AKAP12: variants seen among roughly 807,000 people sequenced by gnomAD.
The protein encoded by AKAP12 is A-kinase anchoring protein 12, also known as A-kinase anchor protein 12.
Under a neutral mutation model 79.9 loss-of-function variants are expected in AKAP12, and 32 were observed. The observed-to-expected ratio is 0.40, with a 90% CI of 0.30 to 0.54. The LOEUF (loss-of-function observed/expected upper bound fraction) is 0.54. Among genes scored for constraint, AKAP12 ranks in the 20% least tolerant of loss-of-function variants. The pLI, the probability that AKAP12 is intolerant of heterozygous loss-of-function variation, is 0.48. For missense variants in AKAP12, 2,074 were observed against 2,177.0 expected, an observed-to-expected ratio of 0.95 and a Z score of 0.94; for synonymous variants, 808 against 857.0, an observed-to-expected ratio of 0.94 and a Z score of 1.00.
intron 3 of AKAP12, among the ~76,000 whole-genome samples, chr6:151,309,978 AAAAAAAAG>A (rs943728500): frequency 2.0e-5 from 3 of 152,068 alleles, no homozygotes; most frequent in African/African-American, 7.2e-5. Flanking sequence ...AGATGAAAAA[AAAAAAAAG>A]AAAAAGAAAA....
chr6:151,325,188 G>C (rs1409135852), intron 3 of AKAP12: 3 of 985,448 alleles, frequency 3.0e-6, no homozygotes, highest in Non-Finnish European at 3.6e-6. Context: ...GTAAGACACA[G>C]ATGGTGAAAA....
intron 3 of AKAP12, chr6:151,325,882 A>C: frequency 1.2e-6 from 2 of 1,614,198 alleles, no homozygotes; most frequent in African/African-American, 2.7e-5. Flanking sequence ...CATCACCATC[A>C]CAGGTAAGGC....
chr6:151,265,919 C>A (rs1052545297), intron 2 of AKAP12, among the ~76,000 whole-genome samples: 1 of 152,192 alleles, frequency 6.6e-6, no homozygotes, highest in African/African-American at 2.4e-5. Context: ...ATATTCTTTT[C>A]GTTCTTCCTT....
chr6:151,349,444 C>T lies in AKAP12; in HGVS notation c.1053C>T (p.Thr351=), dbSNP rs779463041. 1.4e-5 allele frequency: 22 copies of T among 1,607,050 alleles called. No homozygotes were observed. Among genetic ancestry groups the T allele is most frequent in the South Asian group, 3.3e-5 (3 of 90,834 alleles). The change falls in exon 4 of 5, where the codon ACC becomes ACT. Residue 351 remains threonine, a synonymous_variant. Transcript: ENST00000402676. The part of the protein sequence containing the change: ...GKAEVASEKL[T]ASEQAHPQEP... The stretch of plus-strand genomic sequence containing the variant: ...CAGAGGTTGCCTCCGAGAAACTGAC[C>T]GCCTCCGAGCAAGCCCACCCACAGG...
chr6:151,255,973 CTTA>C (rs1562708683), intron 2 of AKAP12, among the ~76,000 whole-genome samples: 1 of 151,678 alleles, frequency 6.6e-6, no homozygotes, highest in African/African-American at 2.4e-5. Flanking sequence ...CATTTGTGGA[CTTA>C]AACATGCTCA....
chr6:151,295,019 C>T (rs1041022879), intron 2 of AKAP12, among the ~76,000 whole-genome samples: 1 of 152,272 alleles, frequency 6.6e-6, no homozygotes, highest in East Asian at 1.9e-4. Flanking sequence ...GTCAGAGTTT[C>T]CCAAGCTAAC....
chr6:151,263,055 T>C (rs1194496134), intron 2 of AKAP12, among the ~76,000 whole-genome samples: 2 of 152,150 alleles, frequency 1.3e-5, no homozygotes, highest in East Asian at 1.9e-4. Context: ...TTTTGTTTTT[T>C]ATAGATGGGT....
intron 2 of AKAP12, among the ~76,000 whole-genome samples, chr6:151,292,813 C>G (rs943309196): frequency 2.0e-4 from 31 of 152,226 alleles, no homozygotes; most frequent in Admixed American, 6.5e-5. Flanking sequence ...AACATCCCTT[C>G]TCAGGATGGG....
intron 2 of AKAP12, among the ~76,000 whole-genome samples, chr6:151,244,056 T>A (rs1408472974): frequency 6.6e-6 from 1 of 152,076 alleles, no homozygotes; most frequent in Non-Finnish European, 1.5e-5. Flanking sequence ...CATTGAACAA[T>A]GGTCTGTTGC....
At chr6:151,299,559 G>A (rs1378597029) in intron 2 of AKAP12, among the ~76,000 whole-genome samples, 1 of 151,810 alleles carries the variant, frequency 6.6e-6, no homozygotes, top group Non-Finnish European at 1.5e-5. Context: ...CTCCCTCTTT[G>A]TCAGTGGGTT....
At chr6:151,258,954 A>G (rs1046975072) in intron 2 of AKAP12, among the ~76,000 whole-genome samples, 2 of 146,020 alleles carry the variant, frequency 1.4e-5, no homozygotes, top group Admixed American at 1.4e-4. Context: ...GTGTGTTTAT[A>G]TACACACTAT....
intron 3 of AKAP12, among the ~76,000 whole-genome samples, chr6:151,333,602 G>A (rs560360034): frequency 2.0e-5 from 3 of 152,092 alleles, no homozygotes; most frequent in African/African-American, 7.2e-5. Context: ...AATTAGCTGG[G>A]CATGGTGGCG....
chr6:151,347,588 G>C (rs982600232), intron 3 of AKAP12, among the ~76,000 whole-genome samples: 3 of 152,182 alleles, frequency 2.0e-5, no homozygotes, highest in African/African-American at 7.2e-5. Flanking sequence ...ACAAGCAACA[G>C]AAAGAGCAGA....
chr6:151,332,616 C>T (rs2114795969), intron 3 of AKAP12, among the ~76,000 whole-genome samples: 1 of 152,268 alleles, frequency 6.6e-6, no homozygotes, highest in African/African-American at 2.4e-5. Context: ...GTCGAAAGCC[C>T]TGTCAATACA....
chr6:151,244,029 A>G (rs1324974019), intron 2 of AKAP12, among the ~76,000 whole-genome samples: 2 of 152,104 alleles, frequency 1.3e-5, no homozygotes, highest in East Asian at 3.9e-4. Context: ...TGCCTGATGA[A>G]TGATTTCAAT....
At chr6:151,325,350 A>G in intron 3 of AKAP12, 1 of 985,474 alleles carries the variant, frequency 1.0e-6, no homozygotes, top group Non-Finnish European at 1.2e-6. Context: ...GCTGAGATAC[A>G]GAAGTATTAG....
Position 151,350,368 on chromosome 6 carries a change from G to C in AKAP12, c.1977G>C (p.Gly659=). ...TASEMQEEMK[G]SVEEPKPEEP... Reference sequence around the variant, plus strand: ...CTGAAATGCAAGAAGAAATGAAAGGGAGCGTGGAAGAGCCAAAGCCGGAAG... The same window carrying C: ...CTGAAATGCAAGAAGAAATGAAAGGCAGCGTGGAAGAGCCAAAGCCGGAAG... Residue 659 remains glycine (G), a synonymous_variant, in exon 4 of 5, where the codon GGG becomes GGC. Transcript: ENST00000402676. This position sits in a 1 kb window ranked among gnomAD's most constrained non-coding sequence, Gnocchi z 4.8. 1.2e-5 allele frequency: 19 copies of C among 1,613,850 alleles called. No individual in the cohort carries two copies. Among genetic ancestry groups the C allele is most frequent in the Non-Finnish European group, 1.6e-5 (19 of 1,179,988 alleles).
At chr6:151,284,742 T>A (rs2114728463) in intron 2 of AKAP12, among the ~76,000 whole-genome samples, 1 of 152,324 alleles carries the variant, frequency 6.6e-6, no homozygotes, top group African/African-American at 2.4e-5. Context: ...CAACTTTTTC[T>A]GGTACACTTT....
intron 3 of AKAP12, among the ~76,000 whole-genome samples, chr6:151,347,013 CTTTT>C (rs1450370575): frequency 6.6e-6 from 1 of 151,236 alleles, no homozygotes; most frequent in African/African-American, 2.5e-5. Context: ...CATTCTCTTT[CTTTT>C]TCTTTTTCAC....
Sources: gnomAD v4.1 joint callset for allele counts (sites outside exome capture counted in the v4.1 genomes callset) on GRCh38, gnomAD v4.1.1 for gene constraint, Gnocchi (gnomAD v3.1) non-coding constraint, MANE v1.5 for transcripts, NCBI Gene and HGNC (gene_info 2026-07-23, HGNC 2026-07-21) for gene names.